Variants in SLC25A33 observed in about 807,000 individuals in gnomAD.
SLC25A33 encodes the protein bone marrow stromal cell mitochondrial carrier protein.
A neutral mutation model predicts 35.5 loss-of-function variants in SLC25A33; 15 were observed. The ratio of observed to expected loss-of-function variants is 0.42; its 90% CI spans 0.28 to 0.65. The LOEUF (loss-of-function observed/expected upper bound fraction) is 0.65. Ranked by LOEUF, SLC25A33 falls within the 30% of genes least tolerant of loss-of-function variation. The pLI, the probability that SLC25A33 is intolerant of heterozygous loss-of-function variation, is 0.20. For synonymous variants in SLC25A33, 136 were observed against 148.7 expected, an observed-to-expected ratio of 0.91 and a Z score of 0.62; for missense variants, 257 against 398.5, an observed-to-expected ratio of 0.64 and a Z score of 3.02.
intron 2 of SLC25A33, among the ~76,000 whole-genome samples, chr1:9,563,503 G>C (rs575364258): frequency 6.6e-6 from 1 of 152,266 alleles, no homozygotes; most frequent in African/African-American, 2.4e-5. Context: ...CCAGTATGCT[G>C]TGGACCAGAA....
In SLC25A33 at chr1:9,539,696, C is replaced by A. The variant is rs760596726; in HGVS notation, c.5C>A (p.Ala2Glu). The A allele has an allele frequency of 3.6e-6, 5 of 1,388,550 alleles. No individual in the cohort carries two copies. Among genetic ancestry groups the A allele is most frequent in the South Asian group, 3.0e-5 (2 of 67,112 alleles). 86.0% of individuals were successfully genotyped at this position (1,388,550 alleles called of 1,614,324 possible). The change falls in exon 1 of 7, where the codon GCG becomes GAG. Residue 2 changes from alanine (A) to glutamate (E), a missense_variant. By Grantham distance (107) the Ala-to-Glu change is moderately radical (BLOSUM62 -1). Transcript: ENST00000302692. The stretch of plus-strand genomic sequence containing the variant: ...GGCCGCGGAGCCGGCGCGGCCATGG[C>A]GACGGGCGGCCAGCAGAAGGAGAAC... The part of the protein sequence containing the change: M[A>E]TGGQQKENTL...
In SLC25A33 at chr1:9,583,452, C is replaced by T. The variant is rs1263477236; in HGVS notation, c.*951C>T. On this transcript the variant is annotated 3_prime_UTR_variant, in exon 7 of 7. Transcript: ENST00000302692. Reference sequence around the variant, plus strand: ...ACCAAAGGCAAGAATTTTTAAAGAACTGTTTTATCAATGGCCTGGCTCCTG... The same window carrying T: ...ACCAAAGGCAAGAATTTTTAAAGAATTGTTTTATCAATGGCCTGGCTCCTG... 6.6e-6 allele frequency: 1 copy of T among 152,146 alleles called. No homozygotes were observed. The highest frequency in any genetic ancestry group is 2.4e-5 in the African/African-American group (1 of 41,422). The allele number at this position is 152,146 out of a possible 1,614,324, so 9.4% of individuals were successfully genotyped here.
chr1:9,571,159 C>T (rs1569870017), intron 4 of SLC25A33, among the ~76,000 whole-genome samples: 1 of 152,158 alleles, frequency 6.6e-6, no homozygotes, highest in Non-Finnish European at 1.5e-5. Context: ...CTAGTAGGGT[C>T]AGTGACAGCT....
intron 1 of SLC25A33, among the ~76,000 whole-genome samples, chr1:9,547,385 C>T (rs1199188854): frequency 4.0e-5 from 6 of 151,194 alleles, no homozygotes; most frequent in East Asian, 1.9e-4. Context: ...ACCCAGGAGG[C>T]GGAGGTTGCA....
chr1:9,552,297 C>G (rs1030683408), intron 1 of SLC25A33, among the ~76,000 whole-genome samples: 7 of 152,124 alleles, frequency 4.6e-5, no homozygotes, highest in African/African-American at 1.7e-4. Flanking sequence ...CTCACTGCAA[C>G]CTCTGCCTCC....
At chr1:9,581,751 A>G (rs906066681) in intron 6 of SLC25A33, among the ~76,000 whole-genome samples, 1 of 150,524 alleles carries the variant, frequency 6.6e-6, no homozygotes, top group African/African-American at 2.5e-5. Context: ...AAAAAAAGTT[A>G]TTTTGTACTT....
At chr1:9,568,773 C>T (rs887896942) in intron 3 of SLC25A33, among the ~76,000 whole-genome samples, 7 of 151,924 alleles carry the variant, frequency 4.6e-5, no homozygotes, top group Admixed American at 2.0e-4. Context: ...ATGGCATGAA[C>T]CCGGGAGGCG....
intron 2 of SLC25A33, among the ~76,000 whole-genome samples, chr1:9,561,190 G>T (rs907839999): frequency 6.6e-6 from 1 of 152,090 alleles, no homozygotes; most frequent in East Asian, 1.9e-4. Flanking sequence ...TGATCCGCCC[G>T]CTTCGGCCTC....
intron 1 of SLC25A33, among the ~76,000 whole-genome samples, chr1:9,546,174 A>AT (rs746460317): frequency 0.027 from 2,757 of 100,550 alleles, 251 homozygotes; most frequent in African/African-American, 0.055. Flanking sequence ...ACACAGAGAA[A>AT]TTTTTTTTTT....
At position 9,582,483 on chromosome 1, in the gene SLC25A33, A is replaced by G. The variant is rs1643760062; in HGVS notation, c.948A>G (p.Leu316=). ...CTTATGAGTTAATTGTGTACCTGTT[A>G]GAAGACCGTACTCAGTAACAGGCCG... ...LSTYELIVYL[L]EDRTQ Residue 316 remains leucine, a synonymous_variant, in exon 7 of 7, where the codon TTA becomes TTG. Transcript: ENST00000302692. This position sits in a 1 kb window ranked among gnomAD's most constrained non-coding sequence, Gnocchi z 4.0. 1.9e-6 allele frequency: 3 copies of G among 1,613,252 alleles called. No homozygotes were observed. Among genetic ancestry groups the G allele is most frequent in the Non-Finnish European group, 1.7e-6 (2 of 1,179,522 alleles).
chr1:9,582,457 A>C lies in SLC25A33; in HGVS notation c.922A>C (p.Thr308Pro), dbSNP rs765750380. The change falls in exon 7 of 7, where the codon ACT (threonine) becomes CCT (proline). Residue 308 changes from threonine to proline, a missense_variant. Coordinates refer to ENST00000302692, the MANE Select transcript of SLC25A33 (RefSeq NM_032315.3). The surrounding 1 kb of genome is among the most constrained non-coding windows in gnomAD (Gnocchi z 4.0). ...CCCAAATACTGCCATTGTGTTGTCTACTTATGAGTTAATTGTGTACCTGTT... is the reference window on the plus strand; with the variant it reads ...CCCAAATACTGCCATTGTGTTGTCTCCTTATGAGTTAATTGTGTACCTGTT... Reference protein sequence around the residue: ...QIPNTAIVLSTYELIVYLLED... With the variant: ...QIPNTAIVLSPYELIVYLLED... 1.2e-6 allele frequency: 2 copies of C among 1,613,784 alleles called. No individual in the cohort carries two copies. Among genetic ancestry groups the C allele is most frequent in the East Asian group, 2.2e-5 (1 of 44,896 alleles).
At chr1:9,555,798 C>T (rs1643334676) in intron 2 of SLC25A33, among the ~76,000 whole-genome samples, 1 of 152,196 alleles carries the variant, frequency 6.6e-6, no homozygotes, top group African/African-American at 2.4e-5. Context: ...GATTCTTCTG[C>T]CTCAGCTTCC....
At chr1:9,577,255 C>T (rs564015405) in intron 5 of SLC25A33, among the ~76,000 whole-genome samples, 30 of 152,168 alleles carry the variant, frequency 2.0e-4, no homozygotes, top group Non-Finnish European at 3.5e-4. Flanking sequence ...CTCAGGATTT[C>T]GAGACCAGCC....
chr1:9,567,940 G>A (rs907758823), intron 3 of SLC25A33, among the ~76,000 whole-genome samples: 1 of 152,290 alleles, frequency 6.6e-6, no homozygotes, highest in East Asian at 1.9e-4. Context: ...AAATTAATCA[G>A]AATTAAAGGT....
At chr1:9,544,722 G>C (rs766438365) in intron 1 of SLC25A33, among the ~76,000 whole-genome samples, 2 of 152,184 alleles carry the variant, frequency 1.3e-5, no homozygotes, top group Non-Finnish European at 2.9e-5. Flanking sequence ...AGTATCATTT[G>C]TTGGCAAAAT....
chr1:9,547,411 G>A (rs536798354), intron 1 of SLC25A33, among the ~76,000 whole-genome samples: 2 of 151,704 alleles, frequency 1.3e-5, no homozygotes, highest in East Asian at 1.9e-4. Context: ...CTGAGATTGC[G>A]CCAGCCTGGG....
chr1:9,564,737 A>AT (rs1396734975), intron 2 of SLC25A33, among the ~76,000 whole-genome samples: 109 of 72,692 alleles, frequency 1.5e-3, no homozygotes, highest in East Asian at 4.7e-3. Context: ...AAAAAAAAAA[A>AT]AAATATATAT....
intron 1 of SLC25A33, among the ~76,000 whole-genome samples, chr1:9,549,823 G>A (rs1048359869): frequency 1.3e-5 from 2 of 149,800 alleles, no homozygotes; most frequent in Admixed American, 6.7e-5. Context: ...GTTTCAGCAC[G>A]TTGGTCAGGC....
At chr1:9,568,820 TG>T (rs1386387757) in intron 3 of SLC25A33, among the ~76,000 whole-genome samples, 1 of 151,124 alleles carries the variant, frequency 6.6e-6, no homozygotes, top group East Asian at 2.0e-4. Flanking sequence ...CACTCCAGCC[TG>T]GGCGACAGAG....
Sources: allele counts gnomAD v4.1 joint callset (sites outside exome capture counted in the v4.1 genomes callset), GRCh38; gene constraint gnomAD v4.1.1; non-coding constraint Gnocchi (gnomAD v3.1); transcripts MANE v1.5; gene names NCBI Gene and HGNC (gene_info 2026-07-23, HGNC 2026-07-21).